PICALM: variants seen among roughly 807,000 people sequenced by gnomAD.
PICALM encodes the protein phosphatidylinositol-binding clathrin assembly protein.
A neutral mutation model predicts 80.5 loss-of-function variants in PICALM; 40 were observed. That is an observed-to-expected ratio of 0.50 (90% confidence interval 0.39 to 0.65). PICALM has a LOEUF of 0.65. Among genes scored for constraint, PICALM ranks in the 30% least tolerant of loss-of-function variants. The pLI, the probability that PICALM is intolerant of heterozygous loss-of-function variation, is 0.00. For missense variants in PICALM, 676 were observed against 778.9 expected (o/e 0.87, Z 1.57); for synonymous variants, 288 against 260.3 (o/e 1.11, Z -1.02).
chr11:85,998,477 G>A (rs1361503140), intron 11 of PICALM, among the ~76,000 whole-genome samples: 2 of 151,064 alleles, frequency 1.3e-5, no homozygotes, highest in Non-Finnish European at 2.9e-5. Context: ...TTCAAACACA[G>A]TACAGATAAT....
intron 13 of PICALM, among the ~76,000 whole-genome samples, chr11:85,986,171 G>A (rs1022368723): frequency 1.3e-5 from 2 of 151,864 alleles, no homozygotes; most frequent in African/African-American, 2.4e-5. Context: ...ATAGCTAATC[G>A]GCTATTAATA....
Position 85,989,868 on chromosome 11 carries a change from A to G in PICALM, c.1408+382T>C, listed in dbSNP as rs187799533. ...TAACCACCCTCTCTCCCAAGCACAA[A>G]GAGAAAAATATAATCACATATAAAC... is the stretch of plus-strand genomic sequence containing the variant. On this transcript the variant is annotated intron_variant, in intron 13 of 19. Coordinates refer to ENST00000393346, the MANE Select transcript of PICALM (RefSeq NM_007166.4). Among the ~76,000 whole-genome samples the G allele has an allele frequency of 3.0e-4, 46 of 152,272 alleles. 1 individual carries two copies. The highest frequency in any genetic ancestry group is 1.1e-3 in the African/African-American group (44 of 41,580).
intron 4 of PICALM, among the ~76,000 whole-genome samples, chr11:86,015,962 T>C (rs35206999): frequency 0.14 from 20,787 of 152,194 alleles, 1,802 homozygotes; most frequent in Admixed American, 0.19. Flanking sequence ...AACCAAATAC[T>C]AGACTGCCTT....
chr11:86,053,221 G>C (rs576784138), intron 1 of PICALM, among the ~76,000 whole-genome samples: 1 of 152,230 alleles, frequency 6.6e-6, no homozygotes, highest in African/African-American at 2.4e-5. Flanking sequence ...CTGCACCTCA[G>C]TATGTTAAAA....
chr11:86,042,888 A>G (rs985620684), intron 1 of PICALM, among the ~76,000 whole-genome samples: 1 of 152,186 alleles, frequency 6.6e-6, no homozygotes, highest in Non-Finnish European at 1.5e-5. Context: ...TCAGAGTACT[A>G]TAAAGGAAAA....
chr11:86,010,951 G>A (rs2095384331), intron 7 of PICALM, 79 bp downstream of exon 7: 2 of 683,876 alleles, frequency 2.9e-6, no homozygotes, highest in Admixed American at 3.0e-5. Flanking sequence ...ATTTTATTTG[G>A]ATAGTGAGTG....
intron 3 of PICALM, among the ~76,000 whole-genome samples, chr11:86,025,557 CTTTTT>C (rs1250408757): frequency 1.3e-5 from 2 of 151,496 alleles, no homozygotes; most frequent in South Asian, 2.1e-4. Flanking sequence ...CATAGCATTT[CTTTTT>C]TTGTTTGTTT....
At chr11:85,999,172 CTA>C (rs564658587) in intron 11 of PICALM, among the ~76,000 whole-genome samples, 10 of 152,172 alleles carry the variant, frequency 6.6e-5, no homozygotes, top group Admixed American at 1.3e-4. Flanking sequence ...CTATCAAACA[CTA>C]GAACTTATTC....
intron 19 of PICALM, chr11:85,960,675 C>T (rs751948714): frequency 3.3e-5 from 42 of 1,270,614 alleles, no homozygotes; most frequent in Non-Finnish European, 2.1e-6. Context: ...GTAGCAATAC[C>T]TAAAGTGATT....
chr11:86,021,540 T>C (rs997304789), intron 4 of PICALM, among the ~76,000 whole-genome samples: 3 of 146,736 alleles, frequency 2.0e-5, no homozygotes, highest in Non-Finnish European at 3.0e-5. Context: ...AAATAACAAG[T>C]ATGGCAAGAA....
At chr11:85,993,090 T>G (rs886963964) in intron 12 of PICALM, among the ~76,000 whole-genome samples, 2 of 152,118 alleles carry the variant, frequency 1.3e-5, no homozygotes, top group Non-Finnish European at 2.9e-5. Context: ...CTTAAAGTTT[T>G]TTTTTTTTTT....
Position 85,965,830 on chromosome 11 carries a change from T to G in PICALM, c.1945-6770A>C, listed in dbSNP as rs1221728352. Among the ~76,000 whole-genome samples, 35 of 146,240 alleles carry G rather than the reference T, an allele frequency of 2.4e-4. 1 individual carries two copies. Among genetic ancestry groups the G allele is most frequent in the East Asian group, 2.2e-3 (11 of 5,070 alleles). ...TTGTTTTTTTGTTTTTTTTTTTTTT[T>G]TTTTTTTTGAGACAGACTCTCTGTC... On this transcript the variant is annotated intron_variant, in intron 19 of 19. Transcript: ENST00000393346.
At position 85,981,111 on chromosome 11, in the gene PICALM, G is replaced by A. The variant is rs987918398; in HGVS notation, c.1779+18C>T. 1 of 1,206,144 alleles carries A rather than the reference G, an allele frequency of 8.3e-7. No individual in the cohort carries two copies. Among genetic ancestry groups the A allele is most frequent in the Non-Finnish European group, 1.2e-6 (1 of 811,272 alleles). 74.7% of individuals were successfully genotyped at this position (1,206,144 alleles called of 1,614,324 possible). A position where few individuals can be genotyped will look rare whatever the true frequency, so the allele number is the denominator to read the frequency against. On this transcript the variant is annotated intron_variant, in intron 17 of 19. Coordinates refer to ENST00000393346, the MANE Select transcript of PICALM (RefSeq NM_007166.4). ...AAATTATTCAACTGTTAGTCTATCA[G>A]GAGCTTTTTCAACTCACCATTGTTG...
At chr11:86,027,352 T>C (rs1336411525) in intron 2 of PICALM, among the ~76,000 whole-genome samples, 1 of 152,082 alleles carries the variant, frequency 6.6e-6, no homozygotes, top group Non-Finnish European at 1.5e-5. Flanking sequence ...ATAACCTTAG[T>C]CTCCTTCACA....
At chr11:86,007,138 C>G (rs931640994) in intron 8 of PICALM, among the ~76,000 whole-genome samples, 10 of 152,182 alleles carry the variant, frequency 6.6e-5, no homozygotes, top group Admixed American at 6.5e-4. Flanking sequence ...ATACTCCCAC[C>G]TGAGTCAAAC....
At chr11:86,055,836 G>A (rs1457924204) in intron 1 of PICALM, among the ~76,000 whole-genome samples, 6 of 151,896 alleles carry the variant, frequency 4.0e-5, no homozygotes, top group Non-Finnish European at 7.4e-5. Flanking sequence ...AAGCACAATC[G>A]AAAAAATCAG....
At chr11:86,019,650 T>C (rs1220689396) in intron 4 of PICALM, among the ~76,000 whole-genome samples, 1 of 152,232 alleles carries the variant, frequency 6.6e-6, no homozygotes, top group Non-Finnish European at 1.5e-5. Flanking sequence ...CATAATCTTC[T>C]ACAAAGTGCT....
intron 19 of PICALM, 88 bp downstream of exon 19, chr11:85,974,620 T>G: frequency 2.3e-6 from 2 of 859,466 alleles, no homozygotes; most frequent in Non-Finnish European, 4.0e-6. Context: ...GCTAGTAACT[T>G]GTTTCTCAAG....
intron 1 of PICALM, among the ~76,000 whole-genome samples, chr11:86,064,647 A>G (rs2096416843): frequency 7.4e-6 from 1 of 135,026 alleles, no homozygotes; most frequent in African/African-American, 2.6e-5. Flanking sequence ...GACCCACCTC[A>G]TTTTAAAAAA....
Sources: gnomAD v4.1 joint callset for allele counts (sites outside exome capture counted in the v4.1 genomes callset) on GRCh38, gnomAD v4.1.1 for gene constraint, MANE v1.5 for transcripts, NCBI Gene and HGNC (gene_info 2026-07-23, HGNC 2026-07-21) for gene names.